ZNF462: variants seen among roughly 807,000 people sequenced by gnomAD.
ZNF462 encodes zinc finger protein 462.
A neutral mutation model predicts 201.9 loss-of-function variants in ZNF462; 10 were observed. That is an observed-to-expected ratio of 0.05 (90% CI 0.03 to 0.08). The LOEUF (loss-of-function observed/expected upper bound fraction) is 0.08. Ranked by LOEUF, ZNF462 falls within the 10% of genes least tolerant of loss-of-function variation. The pLI, the probability that ZNF462 is intolerant of heterozygous loss-of-function variation, is 1.00. For synonymous variants in ZNF462, 1,227 were observed against 1,193.3 expected, an observed-to-expected ratio of 1.03 and a Z score of -0.58; for missense variants, 2,523 against 3,168.3, an observed-to-expected ratio of 0.80 and a Z score of 4.89.
intron 1 of ZNF462, among the ~76,000 whole-genome samples, chr9:106,869,705 A>T (rs1209874574): frequency 1.3e-5 from 2 of 152,232 alleles, no homozygotes; most frequent in Non-Finnish European, 2.9e-5. Flanking sequence ...AAGAACTGGG[A>T]GAACAGGAAA....
rs147019876 is a variant in ZNF462, at chr9:106,940,337, A to G, written c.6427+1230A>G. 8.5e-5 allele frequency among the ~76,000 whole-genome samples: 13 copies of G among 152,306 alleles called. No individual in the cohort carries two copies. In the East Asian group the frequency reaches 2.5e-3, roughly 29 times the overall value. ...AATTCTGGCCTTTGGGACCATTTATAACAAGTACGAATTTTGGTTATTTTT... is the reference window on the plus strand; with the variant it reads ...AATTCTGGCCTTTGGGACCATTTATGACAAGTACGAATTTTGGTTATTTTT... On this transcript the variant is annotated intron_variant, in intron 7 of 12. Transcript: ENST00000277225.
At chr9:106,997,111 C>A (rs974498878) in intron 10 of ZNF462, among the ~76,000 whole-genome samples, 4 of 137,802 alleles carry the variant, frequency 2.9e-5, no homozygotes, top group Admixed American at 7.1e-5. Context: ...TTCTTTCTTT[C>A]CCCCCCCAGC....
At position 106,993,669 on chromosome 9, in the gene ZNF462, A is replaced by G. The variant is rs1054436186; in HGVS notation, c.7056+9260A>G. Among the ~76,000 whole-genome samples the G allele has an allele frequency of 2.3e-5, 3 of 132,522 alleles. No individual in the cohort carries two copies. The highest frequency in any genetic ancestry group is 8.6e-5 in the African/African-American group (3 of 34,754). 86.9% of individuals were successfully genotyped at this position (132,522 alleles called of 152,430 possible). On this transcript the variant is annotated intron_variant, in intron 10 of 12. Transcript: ENST00000277225. This position sits in a 1 kb window ranked among gnomAD's most constrained non-coding sequence, Gnocchi z 4.0. ...CTCCCTGCATTCTCTGTCCCCCAAC[A>G]TTCTACCCCCCAACACACATAGTGA...
chr9:106,861,554 T>C (rs1009845042), upstream of ZNF462, among the ~76,000 whole-genome samples: 35 of 152,342 alleles, frequency 2.3e-4, no homozygotes, highest in African/African-American at 7.5e-4. Context: ...GCGCTGCGCG[T>C]TTCTCTCTCC....
chr9:106,892,891 G>A lies in ZNF462; in HGVS notation c.-31+29536G>A, dbSNP rs574086478. On this transcript the variant is annotated intron_variant, in intron 1 of 12. Coordinates refer to ENST00000277225, the MANE Select transcript of ZNF462 (RefSeq NM_021224.6). ...GAGTCACCCTGGCCCCAGGCTTCTCGCCTTTGCCTCATCCCATTCCTGCTC... is the reference window on the plus strand; with the variant it reads ...GAGTCACCCTGGCCCCAGGCTTCTCACCTTTGCCTCATCCCATTCCTGCTC... Among the ~76,000 whole-genome samples, 10 of 152,214 alleles carry A rather than the reference G, an allele frequency of 6.6e-5. No individual in the cohort carries two copies. The East Asian group carries it at 1.9e-3, about 29-fold the overall frequency.
rs1293434648 is a variant in ZNF462 at position 106,876,844 on chromosome 9, G to A, written c.-31+13489G>A. 6.6e-6 allele frequency among the ~76,000 whole-genome samples: 1 copy of A among 152,154 alleles called. No individual in the cohort carries two copies. The highest frequency in any genetic ancestry group is 6.5e-5 in the Admixed American group (1 of 15,272). On this transcript the variant is annotated intron_variant, in intron 1 of 12. Coordinates refer to ENST00000277225, the MANE Select transcript of ZNF462 (RefSeq NM_021224.6). This position sits in a 1 kb window ranked among gnomAD's most constrained non-coding sequence, Gnocchi z 4.9. ...CCTTATTGCAGAGAAAATATTGGCT[G>A]TGCTGTTTATATAAATGTTGTCTGC...
Position 106,899,881 on chromosome 9 carries a change from G to C in ZNF462, c.-30-23473G>C, listed in dbSNP as rs572807263. Among the ~76,000 whole-genome samples the C allele has an allele frequency of 1.2e-4, 18 of 151,890 alleles. 1 individual carries two copies. In the South Asian group the frequency reaches 3.6e-3, roughly 30 times the overall value. ...TTTTCCATAAGTTATTGGGGTACAG[G>C]TGGCATTTGGTTACATGAGTAAGTT... On this transcript the variant is annotated intron_variant, in intron 1 of 12. Transcript: ENST00000277225.
In ZNF462 at chr9:106,939,074, G is replaced by C; in HGVS notation, c.6394G>C (p.Ala2132Pro). The C allele has an allele frequency of 1.2e-6, 2 of 1,610,074 alleles. No homozygotes were observed. The highest frequency in any genetic ancestry group is 1.7e-6 in the Non-Finnish European group (2 of 1,178,402). The change falls in exon 7 of 13, where the codon GCT (alanine) becomes CCT (proline). Residue 2132 changes from alanine to proline, a missense_variant. Transcript: ENST00000277225. Reference protein sequence around the residue: ...SSHSHHSSQKATPAEEVEDSN... With the variant: ...SSHSHHSSQKPTPAEEVEDSN... ...ACACTCCCACCACTCCTCCCAAAAA[G>C]CTACCCCGGCTGAAGAAGTGGAAGA...
intron 1 of ZNF462, among the ~76,000 whole-genome samples, chr9:106,864,094 CTCTCTCTCTCTCTCT>C (rs1827205434): frequency 2.3e-5 from 3 of 129,936 alleles, no homozygotes; most frequent in African/African-American, 8.8e-5. Context: ...CTCTCTCTCT[CTCTCTCTCTCTCTCT>C]CCCTCTCCCC....
intron 1 of ZNF462, among the ~76,000 whole-genome samples, chr9:106,888,417 G>C (rs1056588796): frequency 6.6e-6 from 1 of 152,218 alleles, no homozygotes; most frequent in Non-Finnish European, 1.5e-5. Context: ...ACTTTGCCCT[G>C]AATAGGGTTA....
intron 10 of ZNF462, among the ~76,000 whole-genome samples, chr9:106,990,362 C>T (rs776725636): frequency 2.6e-4 from 40 of 151,924 alleles, no homozygotes; most frequent in Non-Finnish European, 5.0e-4. Flanking sequence ...GGAGAAAGTT[C>T]CCTGCACTGT....
Position 106,923,646 on chromosome 9 carries a change from G to T in ZNF462, c.220+43G>T. The T allele has an allele frequency of 6.3e-7, 1 of 1,590,406 alleles. No individual in the cohort carries two copies. ...TTGGCACGGCCGATGTATTTTAATT[G>T]CTCTTGTTTCCTTTTAGCCTGTAGC... On this transcript the variant is annotated intron_variant, in intron 2 of 12. Coordinates refer to ENST00000277225, the MANE Select transcript of ZNF462 (RefSeq NM_021224.6). This position sits in a 1 kb window ranked among gnomAD's most constrained non-coding sequence, Gnocchi z 5.6.
intron 6 of ZNF462, among the ~76,000 whole-genome samples, chr9:106,937,720 T>G (rs1216889607): frequency 6.6e-6 from 1 of 152,266 alleles, no homozygotes; most frequent in East Asian, 1.9e-4. Flanking sequence ...TATTTAGCCT[T>G]TGTATTTACT....
rs945010385 is a variant in ZNF462, at chr9:106,923,255, T to C, written c.-30-99T>C. On this transcript the variant is annotated intron_variant, in intron 1 of 12. Transcript: ENST00000277225. This position sits in a 1 kb window ranked among gnomAD's most constrained non-coding sequence, Gnocchi z 5.6. Reference sequence around the variant, plus strand: ...AAGTCCAATAAGAGAAATCTACTGATACTGGAATTTTTTCCCATTAATGGA... The same window carrying C: ...AAGTCCAATAAGAGAAATCTACTGACACTGGAATTTTTTCCCATTAATGGA... 3 of 829,758 alleles carry C rather than the reference T, an allele frequency of 3.6e-6. No individual in the cohort carries two copies. The highest frequency in any genetic ancestry group is 1.7e-5 in the South Asian group (1 of 59,474). The allele number at this position is 829,758 out of a possible 1,614,324, so 51.4% of individuals were successfully genotyped here.
At position 106,927,748 on chromosome 9, in the gene ZNF462, C is replaced by T; in HGVS notation, c.3836C>T (p.Ala1279Val). 6.2e-7 allele frequency: 1 copy of T among 1,614,110 alleles called. No homozygotes were observed. The highest frequency in any genetic ancestry group is 8.5e-7 in the Non-Finnish European group (1 of 1,180,020). ...QCSYTSPYFY[A>V]LRKHIKKDHP... ...TCATATACCTCCCCCTACTTCTATG[C>T]ACTGAGGAAGCATATCAAGAAAGAC... Residue 1279 changes from alanine to valine, a missense_variant, in exon 3 of 13, where the codon GCA (alanine) becomes GTA (valine). Coordinates refer to ENST00000277225, the MANE Select transcript of ZNF462 (RefSeq NM_021224.6).
rs1393846442 is a variant in ZNF462, at chr9:107,012,585, A to G, written c.*1555A>G. The G allele has an allele frequency of 1.3e-5, 2 of 151,748 alleles. No individual in the cohort carries two copies. The highest frequency in any genetic ancestry group is 6.6e-5 in the Admixed American group (1 of 15,192). The allele number at this position is 151,748 out of a possible 1,614,324, so 9.4% of individuals were successfully genotyped here. A position where few individuals can be genotyped will look rare whatever the true frequency, so the allele number is the denominator to read the frequency against. On this transcript the variant is annotated 3_prime_UTR_variant, in exon 13 of 13. Transcript: ENST00000277225. ...TTGTGAACAAAGGGTTTCGTTCCAA[A>G]AAATAGAAAAGAACTTTTCTTGAAG... is the stretch of plus-strand genomic sequence containing the variant.
chr9:106,862,945 TCTTC>T (rs1827118755), upstream of ZNF462, among the ~76,000 whole-genome samples: 1 of 152,070 alleles, frequency 6.6e-6, no homozygotes, highest in Admixed American at 6.5e-5. This position sits in a 1 kb window ranked among gnomAD's most constrained non-coding sequence, Gnocchi z 4.2. Flanking sequence ...GAGAAGATTG[TCTTC>T]CTTCTCTCTT....
chr9:106,930,892 C>A lies in ZNF462; in HGVS notation c.6012+203C>A. 1.8e-6 allele frequency: 1 copy of A among 570,464 alleles called. No individual in the cohort carries two copies. Among genetic ancestry groups the A allele is most frequent in the Non-Finnish European group, 3.0e-6 (1 of 337,610 alleles). The allele number at this position is 570,464 out of a possible 1,614,324, so 35.3% of individuals were successfully genotyped here. A position where few individuals can be genotyped will look rare whatever the true frequency, so the allele number is the denominator to read the frequency against. On this transcript the variant is annotated intron_variant, in intron 4 of 12. Transcript: ENST00000277225. The surrounding 1 kb of genome is among the most constrained non-coding windows in gnomAD (Gnocchi z 5.8). ...GTTCAGGGAAAGGTCGAGTTTCGAT[C>A]TGGTTTCCTTCCACGCGGATAGTTT...
At position 106,968,141 on chromosome 9, in the gene ZNF462, AAG is replaced by A. The variant is rs1030601059; in HGVS notation, c.6428-3862_6428-3861del. Among the ~76,000 whole-genome samples, 12 of 152,196 alleles carry A rather than the reference AAG, an allele frequency of 7.9e-5. No individual in the cohort carries two copies. The highest frequency in any genetic ancestry group is 2.9e-4 in the African/African-American group (12 of 41,458). ...CATTGAGAACAGATGCCTAAGACACAAGACTCAGACTTTATAATCAGACAGGT... is the reference window on the plus strand; with the variant it reads ...CATTGAGAACAGATGCCTAAGACACAACTCAGACTTTATAATCAGACAGGT... On this transcript the variant is annotated intron_variant, in intron 7 of 12. Transcript: ENST00000277225. The surrounding 1 kb of genome is among the most constrained non-coding windows in gnomAD (Gnocchi z 4.0).
Sources: allele counts gnomAD v4.1 joint callset (sites outside exome capture counted in the v4.1 genomes callset), GRCh38; gene constraint gnomAD v4.1.1; non-coding constraint Gnocchi (gnomAD v3.1); transcripts MANE v1.5; gene names NCBI Gene and HGNC (gene_info 2026-07-23, HGNC 2026-07-21).